The following HDAC2 variants were observed in gnomAD, a reference collection of about 807,000 sequenced individuals.
HDAC2 encodes the protein histone deacetylase 2.
HDAC2 carries 5 observed loss-of-function variants against 68.5 expected under a neutral mutation model. The ratio of observed to expected loss-of-function variants is 0.07; its 90% confidence interval spans 0.04 to 0.15. The LOEUF (loss-of-function observed/expected upper bound fraction) is 0.15, where lower values mean the gene tolerates loss of function less well. Ranked by LOEUF, HDAC2 falls within the 10% of genes least tolerant of loss-of-function variation. The pLI is 1.00. For missense variants in HDAC2, 291 were observed against 600.8 expected, an observed-to-expected ratio of 0.48 and a Z score of 5.39; for synonymous variants, 182 against 191.3, an observed-to-expected ratio of 0.95 and a Z score of 0.40.
rs1776097694 is a variant in HDAC2, at chr6:113,940,115, T to C, written c.*943A>G. On this transcript the variant is annotated 3_prime_UTR_variant, in exon 14 of 14. Coordinates refer to ENST00000519065, the MANE Select transcript of HDAC2 (RefSeq NM_001527.4). ...GAATGTAAGCTCTGAGTGTAAGCTCTGAGTGAAAGCATTTTTCCATTATAT... is the reference window on the plus strand; with the variant it reads ...GAATGTAAGCTCTGAGTGTAAGCTCCGAGTGAAAGCATTTTTCCATTATAT... 6.6e-6 allele frequency: 1 copy of C among 152,208 alleles called. No homozygotes were observed. The highest frequency in any genetic ancestry group is 1.9e-4 in the East Asian group (1 of 5,196). The allele number at this position is 152,208 out of a possible 1,614,324, so 9.4% of individuals were successfully genotyped here.
rs1434877182 is a variant in HDAC2, at chr6:113,935,583, T to C, written c.*5475A>G. The C allele has an allele frequency of 6.6e-6, 1 of 152,192 alleles. No homozygotes were observed. The highest frequency in any genetic ancestry group is 2.4e-5 in the African/African-American group (1 of 41,448). 9.4% of individuals were successfully genotyped at this position (152,192 alleles called of 1,614,324 possible). A position where few individuals can be genotyped will look rare whatever the true frequency, so the allele number is the denominator to read the frequency against. On this transcript the variant is annotated 3_prime_UTR_variant, in exon 14 of 14. Transcript: ENST00000519065. ...ACACAAAAACAGATTAGAGTCTTCT[T>C]TGTTCAACTCACTCCTAAATACAAA...
intron 3 of HDAC2, chr6:113,956,956 G>A (rs1776568185): frequency 6.1e-6 from 2 of 329,724 alleles, no homozygotes; most frequent in Non-Finnish European, 1.1e-5. Flanking sequence ...CTCAATAGTT[G>A]TCTAAGTACA....
chr6:113,970,738 G>A (rs1402948506), intron 1 of HDAC2, 119 bp downstream of exon 1: 1 of 1,418,350 alleles, frequency 7.1e-7, no homozygotes. Flanking sequence ...TTAAGATGCG[G>A]CCAAATGTCG....
chr6:113,968,836 A>G (rs1262922144), intron 1 of HDAC2: 2 of 152,208 alleles, frequency 1.3e-5, no homozygotes, highest in Non-Finnish European at 2.9e-5. Flanking sequence ...CCAGGACAAG[A>G]GCGCTGTTCA....
intron 10 of HDAC2, 57 bp downstream of exon 10, chr6:113,945,305 C>G: frequency 1.2e-6 from 1 of 826,414 alleles, no homozygotes; most frequent in Non-Finnish European, 2.0e-6. Context: ...CCCTTTAAAG[C>G]ATACTAAATC....
At chr6:113,962,730 G>A (rs1440574406) in intron 1 of HDAC2, among the ~76,000 whole-genome samples, 9 of 152,044 alleles carry the variant, frequency 5.9e-5, no homozygotes, top group Non-Finnish European at 1.0e-4. Flanking sequence ...TCGGGAGGCC[G>A]AGGCGGGCAG....
rs1478100810 is a variant in HDAC2 at position 113,956,050 on chromosome 6, C to T, written c.460G>A (p.Val154Ile). 3 of 1,611,006 alleles carry T rather than the reference C, an allele frequency of 1.9e-6. No individual in the cohort carries two copies. Among genetic ancestry groups the T allele is most frequent in the Non-Finnish European group, 1.7e-6 (2 of 1,178,342 alleles). Residue 154 changes from valine (V) to isoleucine (I), a missense_variant, in exon 5 of 14, where the codon GTT (valine) becomes ATT (isoleucine). Physicochemically the swap from Val to Ile is conservative, Grantham distance 29 (BLOSUM62 3). This residue lies in a region of HDAC2 where 154 missense variants were observed against 472.1 expected (regional missense o/e 0.33). Transcript: ENST00000519065. ...KKSEASGFCY[V>I]NDIVLAILEL... ...AGGATGGCAAGCACAATATCATTAA[C>T]GTAACAGAATCCTGATGCTTCTGAT...
At chr6:113,956,764 A>G in intron 3 of HDAC2, 71 bp from the exon 4 acceptor site, 1 of 1,094,836 alleles carries the variant, frequency 9.1e-7, no homozygotes, top group Non-Finnish European at 1.4e-6. Flanking sequence ...TACAAAAACT[A>G]TTTCCCACAA....
chr6:113,941,159 T>G, intron 13 of HDAC2, 71 bp from the exon 14 acceptor site: 1 of 1,129,570 alleles, frequency 8.9e-7, no homozygotes, highest in Non-Finnish European at 1.3e-6. Flanking sequence ...CCTATTATAT[T>G]GATCAGGTCC....
intron 1 of HDAC2, among the ~76,000 whole-genome samples, chr6:113,964,973 T>C (rs1776777570): frequency 6.6e-6 from 1 of 152,222 alleles, no homozygotes; most frequent in South Asian, 2.1e-4. Context: ...CTCTTAAATA[T>C]GTCTATTTCT....
intron 5 of HDAC2, 85 bp downstream of exon 5, chr6:113,955,928 A>AT (rs897217633): frequency 1.5e-5 from 15 of 980,564 alleles, no homozygotes; most frequent in Non-Finnish European, 2.2e-5. Context: ...TTTACCTAAT[A>AT]TTTTTTAAAG....
intron 1 of HDAC2, among the ~76,000 whole-genome samples, chr6:113,965,599 C>T (rs1776793646): frequency 6.6e-6 from 1 of 152,206 alleles, no homozygotes; most frequent in Admixed American, 6.5e-5. Context: ...TCTCAAACTC[C>T]TGACCTTGTG....
chr6:113,946,238 A>C, intron 8 of HDAC2, 90 bp from the exon 9 acceptor site: 1 of 1,020,586 alleles, frequency 9.8e-7, no homozygotes, highest in Non-Finnish European at 1.4e-6. Flanking sequence ...TGCAAATGTT[A>C]CTCAACCAAA....
chr6:113,948,734 A>C, intron 8 of HDAC2: 1 of 417,084 alleles, frequency 2.4e-6, no homozygotes, highest in Non-Finnish European at 4.2e-6. Flanking sequence ...ATTCAAAAAT[A>C]GCTGCCTTGG....
intron 1 of HDAC2, among the ~76,000 whole-genome samples, chr6:113,964,628 G>T (rs1228996551): frequency 1.3e-5 from 2 of 152,158 alleles, no homozygotes; most frequent in Non-Finnish European, 2.9e-5. Context: ...CCAGTCGTCT[G>T]TCTATGCTGT....
At position 113,971,052 on chromosome 6, in the gene HDAC2, G is replaced by T; in HGVS notation, c.-144C>A. On this transcript the variant is annotated 5_prime_UTR_variant, in exon 1 of 14. Transcript: ENST00000519065. Reference sequence around the variant, plus strand: ...CGCGGGGAAGGGCAGGCCGGTGGGAGGAGAGGAGGGGGCGCCGGGAAGGCT... The same window carrying T: ...CGCGGGGAAGGGCAGGCCGGTGGGATGAGAGGAGGGGGCGCCGGGAAGGCT... 6.4e-7 allele frequency: 1 copy of T among 1,563,520 alleles called. No homozygotes were observed. The highest frequency in any genetic ancestry group is 1.4e-5 in the African/African-American group (1 of 74,062).
chr6:113,970,607 A>G lies in HDAC2; in HGVS notation c.52+250T>C, dbSNP rs1365324203. On this transcript the variant is annotated intron_variant, in intron 1 of 13. Coordinates refer to ENST00000519065, the MANE Select transcript of HDAC2 (RefSeq NM_001527.4). ...GGCCACCTTCGAGGCTGCGGACTGC[A>G]CGGCCGAAGGGGGAGAGGCAGGAGA... 7 of 1,301,224 alleles carry G rather than the reference A, an allele frequency of 5.4e-6. No homozygotes were observed. The East Asian group carries it at 2.3e-4, about 43-fold the overall frequency. The allele number at this position is 1,301,224 out of a possible 1,614,324, so 80.6% of individuals were successfully genotyped here.
At position 113,937,761 on chromosome 6, in the gene HDAC2, A is replaced by C. The variant is rs1156841102; in HGVS notation, c.*3297T>G. The C allele has an allele frequency of 1.3e-5, 2 of 152,264 alleles. No homozygotes were observed. The highest frequency in any genetic ancestry group is 2.9e-5 in the Non-Finnish European group (2 of 68,102). The allele number at this position is 152,264 out of a possible 1,614,324, so 9.4% of individuals were successfully genotyped here. On this transcript the variant is annotated 3_prime_UTR_variant, in exon 14 of 14. Coordinates refer to ENST00000519065, the MANE Select transcript of HDAC2 (RefSeq NM_001527.4). Reference sequence around the variant, plus strand: ...CAGCTACTTGGGAGGCTGAGGTGGGAGAATACCCTAAGCCTAGAAGTTCTA... The same window carrying C: ...CAGCTACTTGGGAGGCTGAGGTGGGCGAATACCCTAAGCCTAGAAGTTCTA...
In HDAC2 at chr6:113,939,023, T is replaced by C. The variant is rs1170397834; in HGVS notation, c.*2035A>G. The C allele has an allele frequency of 6.6e-6, 1 of 152,230 alleles. No individual in the cohort carries two copies. The highest frequency in any genetic ancestry group is 1.5e-5 in the Non-Finnish European group (1 of 68,044). The allele number at this position is 152,230 out of a possible 1,614,324, so 9.4% of individuals were successfully genotyped here. A position where few individuals can be genotyped will look rare whatever the true frequency, so the allele number is the denominator to read the frequency against. On this transcript the variant is annotated 3_prime_UTR_variant, in exon 14 of 14. Coordinates refer to ENST00000519065, the MANE Select transcript of HDAC2 (RefSeq NM_001527.4). ...AATACATAGCAGTCAAAATGAACTATACTTAACATGTGTCAACAGGGGTAG... is the reference window on the plus strand; with the variant it reads ...AATACATAGCAGTCAAAATGAACTACACTTAACATGTGTCAACAGGGGTAG...
Sources: gnomAD v4.1 joint callset for allele counts (sites outside exome capture counted in the v4.1 genomes callset) on GRCh38, gnomAD v4.1.1 for gene constraint, gnomAD v4.1.1 regional missense constraint, MANE v1.5 for transcripts, NCBI Gene and HGNC (gene_info 2026-07-23, HGNC 2026-07-21) for gene names.